VMP1: variants seen among roughly 807,000 people sequenced by gnomAD.
VMP1 encodes ectopic P-granules autophagy protein 3 homolog.
In VMP1, 11 loss-of-function variants were observed where a neutral mutation model predicts 56.0. The observed-to-expected ratio is 0.20, with a 90% CI of 0.12 to 0.32. The LOEUF (loss-of-function observed/expected upper bound fraction) is 0.32, where lower values mean the gene tolerates loss of function less well. Among genes scored for constraint, VMP1 ranks in the 10% least tolerant of loss-of-function variants. The pLI, the probability that VMP1 is intolerant of heterozygous loss-of-function variation, is 1.00. For synonymous variants in VMP1, 149 were observed against 165.0 expected (o/e 0.90, Z 0.74); for missense variants, 296 against 490.3 (o/e 0.60, Z 3.74).
intron 1 of VMP1, among the ~76,000 whole-genome samples, chr17:59,711,153 C>G (rs1299711466): frequency 6.6e-6 from 1 of 151,550 alleles, no homozygotes; most frequent in Non-Finnish European, 1.5e-5. Context: ...AAAACCTCCC[C>G]AAGCTGTTTG....
chr17:59,740,578 C>T (rs2143845887), intron 5 of VMP1, among the ~76,000 whole-genome samples: 1 of 152,296 alleles, frequency 6.6e-6, no homozygotes, highest in Admixed American at 6.5e-5. Flanking sequence ...TATCATTTCT[C>T]CAAGTTTATG....
chr17:59,819,391 C>T (rs1295275776), intron 10 of VMP1, among the ~76,000 whole-genome samples: 1 of 152,250 alleles, frequency 6.6e-6, no homozygotes, highest in East Asian at 1.9e-4. Flanking sequence ...AGTCCTCCCA[C>T]CTCAGCCTTC....
At chr17:59,782,842 C>A (rs1379057108) in intron 7 of VMP1, among the ~76,000 whole-genome samples, 1 of 152,026 alleles carries the variant, frequency 6.6e-6, no homozygotes, top group Non-Finnish European at 1.5e-5. Flanking sequence ...ACAAAAAAAA[C>A]CACTTGGCTT....
intron 5 of VMP1, among the ~76,000 whole-genome samples, chr17:59,748,543 T>C (rs1013484032): frequency 6.6e-6 from 1 of 152,184 alleles, no homozygotes; most frequent in Non-Finnish European, 1.5e-5. Flanking sequence ...GTGATAATAA[T>C]AGTACCCATC....
At chr17:59,838,214 T>C (rs2039044996) in intron 10 of VMP1, 81 bp from the exon 11 acceptor site, 4 of 1,146,086 alleles carry the variant, frequency 3.5e-6, no homozygotes, top group Non-Finnish European at 3.8e-6. Flanking sequence ...GTCCAGGTGG[T>C]AAGTACATTT....
intron 7 of VMP1, 57 bp from the exon 8 acceptor site, chr17:59,808,739 C>G: frequency 5.2e-6 from 7 of 1,353,176 alleles, no homozygotes; most frequent in Non-Finnish European, 6.3e-6. Context: ...CTAGAAAGAA[C>G]CATCTTTCCT....
At position 59,753,880 on chromosome 17, in the gene VMP1, T is replaced by A. The variant is rs538665897; in HGVS notation, c.415-11091T>A. On this transcript the variant is annotated intron_variant, in intron 5 of 11. Transcript: ENST00000262291. Reference sequence around the variant, plus strand: ...TTAGTTTTACTTTCTAGAAGCAGTTTGGAAGTAGAAAAGTTGGGAACTATT... The same window carrying A: ...TTAGTTTTACTTTCTAGAAGCAGTTAGGAAGTAGAAAAGTTGGGAACTATT... Among the ~76,000 whole-genome samples the A allele has an allele frequency of 3.9e-5, 6 of 152,336 alleles. No homozygotes were observed. In the South Asian group the frequency reaches 1.2e-3, roughly 32 times the overall value.
chr17:59,794,024 C>T (rs558760620), intron 7 of VMP1, among the ~76,000 whole-genome samples: 2 of 150,046 alleles, frequency 1.3e-5, no homozygotes, highest in African/African-American at 4.9e-5. Flanking sequence ...AGGTTCATGC[C>T]ATTCTCCTGC....
chr17:59,815,082 A>G (rs766426481), intron 9 of VMP1, among the ~76,000 whole-genome samples: 1 of 152,044 alleles, frequency 6.6e-6, no homozygotes, highest in African/African-American at 2.4e-5. Flanking sequence ...AAATTAGACA[A>G]CCTTCTTTAA....
chr17:59,775,847 T>C (rs1444963157), intron 7 of VMP1, among the ~76,000 whole-genome samples: 4 of 152,196 alleles, frequency 2.6e-5, no homozygotes, highest in Non-Finnish European at 5.9e-5. Flanking sequence ...TATCAGCCTC[T>C]ATCTCAGTTA....
At chr17:59,743,183 A>G (rs552607203) in intron 5 of VMP1, among the ~76,000 whole-genome samples, 1 of 152,322 alleles carries the variant, frequency 6.6e-6, no homozygotes, top group Admixed American at 6.5e-5. Flanking sequence ...GCATAATGTC[A>G]TGTATATACC....
chr17:59,744,465 A>G (rs1425713041), intron 5 of VMP1, among the ~76,000 whole-genome samples: 17 of 128,046 alleles, frequency 1.3e-4, no homozygotes, highest in Non-Finnish European at 2.7e-4. Context: ...TCCATCTCAA[A>G]AAAAAAAAAA....
At chr17:59,797,161 C>A (rs1024068945) in intron 7 of VMP1, among the ~76,000 whole-genome samples, 6 of 150,298 alleles carry the variant, frequency 4.0e-5, no homozygotes, top group Non-Finnish European at 5.9e-5. Context: ...GTGAAACCCC[C>A]CCCCCGTCTC....
At chr17:59,768,708 C>T (rs550198217) in intron 6 of VMP1, among the ~76,000 whole-genome samples, 9 of 148,414 alleles carry the variant, frequency 6.1e-5, no homozygotes, top group Non-Finnish European at 9.0e-5. Context: ...ATTCACCGGG[C>T]GCGGTGGCTC....
intron 9 of VMP1, among the ~76,000 whole-genome samples, chr17:59,814,906 G>A (rs746865471): frequency 6.6e-6 from 1 of 151,952 alleles, no homozygotes; most frequent in Admixed American, 6.6e-5. Context: ...TGTAGCTTAG[G>A]GTAACAAACA....
chr17:59,817,663 G>A, intron 9 of VMP1, 49 bp from the exon 10 acceptor site: 1 of 1,395,592 alleles, frequency 7.2e-7, no homozygotes, highest in Non-Finnish European at 1.0e-6. Context: ...AATTTATGTT[G>A]GTTTTTTGAT....
chr17:59,719,164 T>C (rs186708767), intron 1 of VMP1, among the ~76,000 whole-genome samples: 302 of 152,260 alleles, frequency 2.0e-3, no homozygotes, highest in African/African-American at 7.0e-3. Flanking sequence ...TTTAGGGAAA[T>C]CTACAGCTAT....
chr17:59,768,581 C>T (rs1361301433), intron 6 of VMP1, among the ~76,000 whole-genome samples: 1 of 151,640 alleles, frequency 6.6e-6, no homozygotes, highest in African/African-American at 2.4e-5. Flanking sequence ...CCAGCCTGGG[C>T]GACAGAGCAA....
At chr17:59,827,631 G>A (rs1445338280) in intron 10 of VMP1, among the ~76,000 whole-genome samples, 2 of 152,012 alleles carry the variant, frequency 1.3e-5, no homozygotes, top group Admixed American at 1.3e-4. Flanking sequence ...TTAGAACTCA[G>A]TGAGTCTTCA....
Sources: allele counts gnomAD v4.1 joint callset (sites outside exome capture counted in the v4.1 genomes callset), GRCh38; gene constraint gnomAD v4.1.1; transcripts MANE v1.5; gene names NCBI Gene and HGNC (gene_info 2026-07-23, HGNC 2026-07-21).